LONP1: variants seen among roughly 807,000 people sequenced by gnomAD.
LONP1 encodes lon protease homolog, mitochondrial.
A neutral mutation model predicts 98.5 loss-of-function variants in LONP1; 31 were observed. The ratio of observed to expected loss-of-function variants is 0.31; its 90% CI spans 0.24 to 0.42. The LOEUF is 0.42. LONP1 is among the 20% of genes least tolerant of loss of function. The pLI, the probability that LONP1 is intolerant of heterozygous loss-of-function variation, is 1.00. For synonymous variants in LONP1, 781 were observed against 594.7 expected (o/e 1.31, Z -4.56); for missense variants, 1,336 against 1,350.6 (o/e 0.99, Z 0.17).
chr19:5,720,359 G>A, upstream of LONP1: 1 of 678,716 alleles, frequency 1.5e-6, no homozygotes, highest in South Asian at 2.3e-5. Flanking sequence ...CGGTCACGTG[G>A]AAGGCTGTGA....
Position 5,719,970 on chromosome 19 carries a change from A to C in LONP1, c.163T>G (p.Trp55Gly), listed in dbSNP as rs751453098. 1.3e-6 allele frequency: 2 copies of C among 1,580,400 alleles called. No individual in the cohort carries two copies. The highest frequency in any genetic ancestry group is 1.7e-6 in the Non-Finnish European group (2 of 1,165,270). Residue 55 changes from tryptophan to glycine, a missense_variant, in exon 1 of 18, where the codon TGG (tryptophan) becomes GGG (glycine). Coordinates refer to ENST00000360614, the MANE Select transcript of LONP1 (RefSeq NM_004793.4). The part of the protein sequence containing the change: ...TCDASPPWAL[W>G]GRGPAIGGQW... ...CCCCCAATTGCCGGGCCTCGGCCCC[A>C]CAGTGCCCAAGGAGGAGAGGCGTCG...
Position 5,719,893 on chromosome 19 carries a change from C to A in LONP1, c.240G>T (p.Ser80=). The A allele has an allele frequency of 6.4e-7, 1 of 1,561,834 alleles. No individual in the cohort carries two copies. The highest frequency in any genetic ancestry group is 2.4e-5 in the East Asian group (1 of 41,920). The change falls in exon 1 of 18, where the codon TCG becomes TCT. Residue 80 remains serine (S), a synonymous_variant. Transcript: ENST00000360614. The part of the protein sequence containing the change: ...EASSRGGGAF[S]GGEDASEGGA... ...CGCCCTCGGAGGCGTCCTCGCCCCC[C>A]GAGAATGCGCCTCCGCCGCGGCTGC...
intron 4 of LONP1, 98 bp downstream of exon 4, chr19:5,711,673 C>T: frequency 1.0e-6 from 1 of 973,958 alleles, no homozygotes. Context: ...CTAAGGGGCT[C>T]AGGGTGGGAG....
chr19:5,692,326 AAGC>A lies in LONP1; in HGVS notation c.2704-121_2704-119del, dbSNP rs1461156426. ...GCGATACACAGTGATGCCGGGTTCT[AAGC>A]AGTAAGTCCCAAAACCCACCAGGGT... On this transcript the variant is annotated intron_variant, in intron 17 of 17. Coordinates refer to ENST00000360614, the MANE Select transcript of LONP1 (RefSeq NM_004793.4). 4 of 1,043,320 alleles carry A rather than the reference AAGC, an allele frequency of 3.8e-6. No homozygotes were observed. The African/African-American group carries it at 6.4e-5, about 17-fold the overall frequency. 64.6% of individuals were successfully genotyped at this position (1,043,320 alleles called of 1,614,324 possible).
At chr19:5,710,800 C>T (rs543616757) in intron 4 of LONP1, among the ~76,000 whole-genome samples, 2 of 152,038 alleles carry the variant, frequency 1.3e-5, no homozygotes, top group South Asian at 2.1e-4. Flanking sequence ...CTGAGGTGGG[C>T]GGATCACCCG....
intron 8 of LONP1, among the ~76,000 whole-genome samples, chr19:5,705,411 T>C (rs1455592196): frequency 1.3e-5 from 2 of 150,104 alleles, no homozygotes; most frequent in South Asian, 2.1e-4. Context: ...TGAGCCAAGA[T>C]TGTGCCACTG....
chr19:5,703,116 G>A (rs2055085716), intron 8 of LONP1, among the ~76,000 whole-genome samples: 1 of 150,004 alleles, frequency 6.7e-6, no homozygotes, highest in Admixed American at 6.7e-5. Context: ...GAGAGGCGGA[G>A]CTTGCAGTGA....
rs80050321 is a variant in LONP1 at position 5,711,955 on chromosome 19, G to A, written c.686C>T (p.Ala229Val). 261 of 1,613,302 alleles carry A rather than the reference G, an allele frequency of 1.6e-4. No homozygotes were observed. In the East Asian group the frequency reaches 4.7e-3, roughly 29 times the overall value. The part of the protein sequence containing the change: ...QLEVEPEEPE[A>V]ENKHKPRRKS... ...CCTGCGGGGCTTGTGCTTGTTCTCC[G>A]CCTCCGGCTCCTCGGGCTCCACCTC... Residue 229 changes from alanine (A) to valine (V), a missense_variant, in exon 4 of 18, where the codon GCG (alanine) becomes GTG (valine). This residue lies in a region of LONP1 where 457 missense variants were observed against 403.1 expected (regional missense o/e 1.13). Transcript: ENST00000360614.
upstream of LONP1, chr19:5,720,227 C>G: frequency 1.5e-6 from 2 of 1,377,926 alleles, no homozygotes; most frequent in South Asian, 1.7e-5. Context: ...ACCCGATGGG[C>G]GCGTGGCTCG....
At position 5,699,047 on chromosome 19, in the gene LONP1, C is replaced by T; in HGVS notation, c.1665G>A (p.Val555=). The part of the protein sequence containing the change: ...FRFSVGGMTD[V]AEIKGHRRTY... The stretch of plus-strand genomic sequence containing the variant: ...CCTACCTGTGGCCCTTGATCTCAGC[C>T]ACGTCAGTCATGCCCCCGACGCTGA... The change falls in exon 10 of 18, where the codon GTG becomes GTA. Residue 555 remains valine, a synonymous_variant. Transcript: ENST00000360614. 2 of 1,608,174 alleles carry T rather than the reference C, an allele frequency of 1.2e-6. No individual in the cohort carries two copies. Among genetic ancestry groups the T allele is most frequent in the Non-Finnish European group, 1.7e-6 (2 of 1,176,852 alleles).
At chr19:5,704,157 C>A (rs1289472368) in intron 8 of LONP1, among the ~76,000 whole-genome samples, 2 of 152,178 alleles carry the variant, frequency 1.3e-5, no homozygotes, top group African/African-American at 2.4e-5. Flanking sequence ...CTGGAAGAGG[C>A]TGCGCTGTGG....
At chr19:5,695,961 G>A (rs1244507268) in intron 13 of LONP1, 93 bp downstream of exon 13, 2 of 1,128,440 alleles carry the variant, frequency 1.8e-6, no homozygotes, top group Non-Finnish European at 2.5e-6. Flanking sequence ...TCTCTCCCGG[G>A]CCCAGGAGCT....
intron 1 of LONP1, among the ~76,000 whole-genome samples, chr19:5,718,046 A>C (rs2055349372): frequency 1.3e-5 from 2 of 151,958 alleles, no homozygotes; most frequent in Non-Finnish European, 2.9e-5. Context: ...CAACTCTAAT[A>C]AGACACTAAT....
At chr19:5,708,162 G>GC (rs2055177840) in intron 5 of LONP1, 180 bp downstream of exon 5, 3 of 648,382 alleles carry the variant, frequency 4.6e-6, no homozygotes, top group Non-Finnish European at 7.9e-6. Context: ...TGCTGAGTCG[G>GC]CCCCGGGCCT....
In LONP1 at chr19:5,704,768, G is replaced by A. The variant is rs138919926; in HGVS notation, c.1367+1004C>T. Among the ~76,000 whole-genome samples the A allele has an allele frequency of 8.3e-3, 1,269 of 152,330 alleles. 13 individuals are homozygous for A. The highest frequency in any genetic ancestry group is 0.015 in the Non-Finnish European group (996 of 68,028). Reference sequence around the variant, plus strand: ...GGCCCCCGGGCAAGGCCAGTGCTGCGGGAAGGCATGGTCACTTCCTGGCTG... The same window carrying A: ...GGCCCCCGGGCAAGGCCAGTGCTGCAGGAAGGCATGGTCACTTCCTGGCTG... On this transcript the variant is annotated intron_variant, in intron 8 of 17. Coordinates refer to ENST00000360614, the MANE Select transcript of LONP1 (RefSeq NM_004793.4).
chr19:5,701,299 TTC>T (rs1005332888), intron 8 of LONP1, among the ~76,000 whole-genome samples: 2 of 152,124 alleles, frequency 1.3e-5, no homozygotes, highest in Non-Finnish European at 2.9e-5. Flanking sequence ...CAAAAAATGC[TTC>T]TGCCTCTGCC....
At chr19:5,692,252 G>A in intron 17 of LONP1, 44 bp from the exon 18 acceptor site, 1 of 1,564,146 alleles carries the variant, frequency 6.4e-7, no homozygotes, top group Non-Finnish European at 8.7e-7. Flanking sequence ...CCTGTGGGAG[G>A]GCAGCAGGTG....
Position 5,691,885 on chromosome 19 carries a change from A to G in LONP1, c.*147T>C. The G allele has an allele frequency of 2.1e-6, 2 of 932,180 alleles. No individual in the cohort carries two copies. The highest frequency in any genetic ancestry group is 1.7e-5 in the South Asian group (1 of 60,192). The allele number at this position is 932,180 out of a possible 1,614,324, so 57.7% of individuals were successfully genotyped here. On this transcript the variant is annotated 3_prime_UTR_variant, in exon 18 of 18. Transcript: ENST00000360614. ...TAGCTTCTATGCCACACTCTGATTA[A>G]GCCGACTGAGGTCCCTGGGATCTGG... is the stretch of plus-strand genomic sequence containing the variant.
intron 8 of LONP1, among the ~76,000 whole-genome samples, chr19:5,701,759 T>C (rs1030187159): frequency 6.6e-6 from 1 of 151,724 alleles, no homozygotes; most frequent in Non-Finnish European, 1.5e-5. Flanking sequence ...CCACCCTGTC[T>C]GGGAAGTGAG....
Sources: allele counts gnomAD v4.1 joint callset (sites outside exome capture counted in the v4.1 genomes callset), GRCh38; gene constraint gnomAD v4.1.1; regional missense constraint gnomAD v4.1.1; transcripts MANE v1.5; gene names NCBI Gene and HGNC (gene_info 2026-07-23, HGNC 2026-07-21).